CHRM3: variants seen among roughly 807,000 people sequenced by gnomAD.
CHRM3 encodes cholinergic receptor muscarinic 3.
CHRM3 carries 11 observed loss-of-function variants against 41.8 expected under a neutral mutation model. The ratio of observed to expected loss-of-function variants is 0.26; its 90% CI spans 0.17 to 0.44. The LOEUF (loss-of-function observed/expected upper bound fraction) is 0.44, where lower values mean the gene tolerates loss of function less well. Among genes scored for constraint, CHRM3 ranks in the 20% least tolerant of loss-of-function variants. The probability of loss-of-function intolerance (pLI) is 1.00; values close to 1 mark genes in which losing one functional copy is unlikely to be tolerated. For missense variants in CHRM3, 571 were observed against 745.4 expected, an observed-to-expected ratio of 0.77 and a Z score of 2.72; for synonymous variants, 297 against 301.4, an observed-to-expected ratio of 0.99 and a Z score of 0.15.
chr1:239,672,110 T>C (rs1434364130), intron 4 of CHRM3, among the ~76,000 whole-genome samples: 1 of 152,128 alleles, frequency 6.6e-6, no homozygotes, highest in Non-Finnish European at 1.5e-5. Flanking sequence ...CTATTGATGT[T>C]TTAGTGAACT....
intron 5 of CHRM3, among the ~76,000 whole-genome samples, chr1:239,785,549 T>C (rs568816761): frequency 6.6e-6 from 1 of 152,350 alleles, no homozygotes; most frequent in African/African-American, 2.4e-5. Flanking sequence ...TCTGCCCTCG[T>C]CAGTCTTCCT....
chr1:239,671,973 GA>G (rs1674414106), intron 4 of CHRM3, among the ~76,000 whole-genome samples: 1 of 152,106 alleles, frequency 6.6e-6, no homozygotes, highest in Non-Finnish European at 1.5e-5. Flanking sequence ...CAGTGAAAGG[GA>G]GGAGACAAAG....
chr1:239,787,528 A>T (rs1397704407), intron 5 of CHRM3, among the ~76,000 whole-genome samples: 1 of 152,106 alleles, frequency 6.6e-6, no homozygotes, highest in African/African-American at 2.4e-5. Context: ...TTCTTGAGAG[A>T]GGTAAAATGA....
At chr1:239,659,694 TCA>T (rs1673020669) in intron 4 of CHRM3, among the ~76,000 whole-genome samples, 1 of 152,200 alleles carries the variant, frequency 6.6e-6, no homozygotes, top group East Asian at 1.9e-4. Context: ...TCAGATTTCT[TCA>T]ACTGAACCAC....
At chr1:239,718,917 A>G (rs1350571391) in intron 5 of CHRM3, 2 of 152,008 alleles carry the variant, frequency 1.3e-5, no homozygotes, top group Non-Finnish European at 2.9e-5. Context: ...TAAGGTCACA[A>G]AAAGACTTAA....
At chr1:239,400,404 G>A (rs978309418) in intron 1 of CHRM3, among the ~76,000 whole-genome samples, 3 of 151,944 alleles carry the variant, frequency 2.0e-5, no homozygotes, top group African/African-American at 4.8e-5. Flanking sequence ...AGTTTAGGTC[G>A]CCTCTTCACT....
Position 239,908,884 on chromosome 1 carries a change from G to A in CHRM3, c.1433G>A (p.Arg478Gln), listed in dbSNP as rs761087495. 63 of 1,613,950 alleles carry A rather than the reference G, an allele frequency of 3.9e-5. No individual in the cohort carries two copies. Among genetic ancestry groups the A allele is most frequent in the East Asian group, 4.5e-5 (2 of 44,856 alleles). ...ALKTRSQITK[R>Q]KRMSLVKEKK... Reference sequence around the variant, plus strand: ...AAGACCAGAAGTCAGATCACTAAGCGGAAAAGGATGTCCCTGGTCAAGGAG... The same window carrying A: ...AAGACCAGAAGTCAGATCACTAAGCAGAAAAGGATGTCCCTGGTCAAGGAG... Residue 478 changes from arginine (R) to glutamine (Q), a missense_variant, in exon 7 of 7, where the codon CGG becomes CAG. Arg to Gln is a conservative substitution (Grantham distance 43). Around this residue, in one of 5 missense-constraint regions of CHRM3, gnomAD observed 239 missense variants for 239.6 expected, o/e 1.00. Coordinates refer to ENST00000676153, the MANE Select transcript of CHRM3 (RefSeq NM_001375978.1). This position sits in a 1 kb window ranked among gnomAD's most constrained non-coding sequence, Gnocchi z 7.2.
At chr1:239,456,227 G>A in intron 1 of CHRM3, among the ~76,000 whole-genome samples, 1 of 152,164 alleles carries the variant, frequency 6.6e-6, no homozygotes, top group East Asian at 1.9e-4. Context: ...AAAAACAACT[G>A]TCTGTGAGAG....
chr1:239,472,057 A>G (rs765312325), intron 1 of CHRM3, among the ~76,000 whole-genome samples: 7 of 152,188 alleles, frequency 4.6e-5, no homozygotes, highest in Non-Finnish European at 8.8e-5. Flanking sequence ...ACTTCCTGGC[A>G]TTCCATGCAT....
At chr1:239,757,533 G>A (rs574302360) in intron 5 of CHRM3, among the ~76,000 whole-genome samples, 2 of 152,056 alleles carry the variant, frequency 1.3e-5, no homozygotes, top group East Asian at 3.9e-4. Flanking sequence ...GGGAGGCTGA[G>A]GCAGGAGAAT....
rs141826046 is a variant in CHRM3, at chr1:239,509,493, G to T, written c.-422+16686G>T. ...TTGCAAATGTTTCCCTCAAGGTAGA[G>T]CTGGAGTTGATTTCTGTGTGATAAC... On this transcript the variant is annotated intron_variant, in intron 2 of 6. Transcript: ENST00000676153. Among the ~76,000 whole-genome samples, 1,421 of 152,240 alleles carry T rather than the reference G, an allele frequency of 9.3e-3. 25 individuals carry two copies. The highest frequency in any genetic ancestry group is 0.033 in the African/African-American group (1,365 of 41,538).
chr1:239,424,496 A>AT (rs1662217876), intron 1 of CHRM3, among the ~76,000 whole-genome samples: 1 of 152,196 alleles, frequency 6.6e-6, no homozygotes, highest in Admixed American at 6.5e-5. Context: ...AAACACTTGA[A>AT]TGTGCCAAAC....
In CHRM3 at chr1:239,461,437, CTATT is replaced by C. The variant is rs376379419; in HGVS notation, c.-520-31259_-520-31256del. Among the ~76,000 whole-genome samples, 700 of 152,154 alleles carry C rather than the reference CTATT, an allele frequency of 4.6e-3. 5 individuals are homozygous for C. The highest frequency in any genetic ancestry group is 0.014 in the Middle Eastern group (4 of 294). ...ATGACAAAATTTGCAAAAGCTGATT[CTATT>C]TATTTATTTATTCAAATTACATTGT... is the stretch of plus-strand genomic sequence containing the variant. On this transcript the variant is annotated intron_variant, in intron 1 of 6. Coordinates refer to ENST00000676153, the MANE Select transcript of CHRM3 (RefSeq NM_001375978.1).
At chr1:239,479,320 A>G (rs1322530614) in intron 1 of CHRM3, among the ~76,000 whole-genome samples, 1 of 152,154 alleles carries the variant, frequency 6.6e-6, no homozygotes, top group Non-Finnish European at 1.5e-5. Context: ...TGTATGCGTT[A>G]TAGTCGAAAT....
chr1:239,727,444 A>G (rs558271059), intron 5 of CHRM3, among the ~76,000 whole-genome samples: 8 of 152,118 alleles, frequency 5.3e-5, no homozygotes, highest in African/African-American at 1.9e-4. Context: ...ATAATTTTAA[A>G]AAGCTTTTGT....
intron 5 of CHRM3, among the ~76,000 whole-genome samples, chr1:239,751,920 T>C (rs190156643): frequency 2.6e-5 from 4 of 152,272 alleles, no homozygotes; most frequent in Admixed American, 1.3e-4. Context: ...AGACACAAAA[T>C]GGAATAAGAC....
At chr1:239,419,360 G>A (rs1485687641) in intron 1 of CHRM3, among the ~76,000 whole-genome samples, 1 of 137,698 alleles carries the variant, frequency 7.3e-6, no homozygotes, top group Non-Finnish European at 1.6e-5. Context: ...GGCCGACCCA[G>A]CCTTTTTTTT....
rs766970683 is a variant in CHRM3 at position 239,776,570 on chromosome 1, A to G, written c.-146-50682A>G. On this transcript the variant is annotated intron_variant, in intron 5 of 6. Coordinates refer to ENST00000676153, the MANE Select transcript of CHRM3 (RefSeq NM_001375978.1). ...TGATGTAAGGAAGGGAAGAAGAACA[A>G]AGAGATGAAAAGAAAAGAAGGAATC... Among the ~76,000 whole-genome samples, 23 of 152,296 alleles carry G rather than the reference A, an allele frequency of 1.5e-4. No homozygotes were observed. The South Asian group carries it at 3.3e-3, about 22-fold the overall frequency.
At chr1:239,490,005 T>C (rs1023569615) in intron 1 of CHRM3, among the ~76,000 whole-genome samples, 1 of 152,192 alleles carries the variant, frequency 6.6e-6, no homozygotes, top group African/African-American at 2.4e-5. Context: ...CCCTACTCAC[T>C]GTGGGAACTT....
Sources: gnomAD v4.1 joint callset for allele counts (sites outside exome capture counted in the v4.1 genomes callset) on GRCh38, gnomAD v4.1.1 for gene constraint, gnomAD v4.1.1 regional missense constraint, Gnocchi (gnomAD v3.1) non-coding constraint, MANE v1.5 for transcripts, NCBI Gene and HGNC (gene_info 2026-07-23, HGNC 2026-07-21) for gene names.